Variants in ARMH3 observed in about 807,000 individuals in gnomAD.
ARMH3 encodes the protein armadillo like helical domain containing 3.
Under a neutral mutation model 99.1 loss-of-function variants are expected in ARMH3, and 60 were observed. The ratio of observed to expected loss-of-function variants is 0.61; its 90% CI spans 0.49 to 0.75. The LOEUF (loss-of-function observed/expected upper bound fraction) is 0.75, where lower values mean the gene tolerates loss of function less well. ARMH3 is among the 30% of genes least tolerant of loss of function. The pLI, the probability that ARMH3 is intolerant of heterozygous loss-of-function variation, is 0.00. For missense variants in ARMH3, 679 were observed against 843.1 expected, an observed-to-expected ratio of 0.81 and a Z score of 2.41; for synonymous variants, 285 against 292.8, an observed-to-expected ratio of 0.97 and a Z score of 0.27.
intron 10 of ARMH3, among the ~76,000 whole-genome samples, chr10:102,012,031 G>A (rs901810241): frequency 2.6e-5 from 4 of 152,216 alleles, no homozygotes; most frequent in African/African-American, 9.6e-5. Context: ...GGCTGCAAAA[G>A]TGCCCTAACA....
chr10:102,037,993 G>A (rs961298085), intron 2 of ARMH3, among the ~76,000 whole-genome samples: 1 of 151,324 alleles, frequency 6.6e-6, no homozygotes, highest in Non-Finnish European at 1.5e-5. Flanking sequence ...GTCTACAAAT[G>A]AAACGGAGGG....
intron 23 of ARMH3, among the ~76,000 whole-genome samples, chr10:101,927,961 C>T (rs1843573915): frequency 1.3e-5 from 2 of 152,312 alleles, no homozygotes; most frequent in African/African-American, 2.4e-5. Flanking sequence ...GTAACCTCAG[C>T]TACTCAGGAG....
intron 1 of ARMH3, among the ~76,000 whole-genome samples, chr10:102,053,910 C>T (rs1343590227): frequency 1.3e-5 from 2 of 151,868 alleles, no homozygotes; most frequent in Non-Finnish European, 2.9e-5. Flanking sequence ...CGCCGGCCTC[C>T]GCCTCCCAAA....
chr10:101,982,044 A>C (rs1341293314), intron 19 of ARMH3, among the ~76,000 whole-genome samples: 7 of 143,564 alleles, frequency 4.9e-5, no homozygotes, highest in South Asian at 2.1e-4. Context: ...AAAAAAAAAA[A>C]CAAAGACTGG....
chr10:102,033,240 A>C, intron 3 of ARMH3, 43 bp downstream of exon 3: 3 of 1,613,402 alleles, frequency 1.9e-6, no homozygotes, highest in Non-Finnish European at 1.7e-6. Context: ...TGAGAAGGCA[A>C]TTTTAGTTAC....
intron 24 of ARMH3, among the ~76,000 whole-genome samples, chr10:101,869,918 A>T (rs1182529137): frequency 6.6e-6 from 1 of 152,198 alleles, no homozygotes; most frequent in Admixed American, 6.5e-5. Context: ...CTGTAGTCCC[A>T]GATACTCAGG....
intron 25 of ARMH3, among the ~76,000 whole-genome samples, chr10:101,848,147 A>G (rs747169185): frequency 2.6e-5 from 4 of 152,224 alleles, no homozygotes; most frequent in Non-Finnish European, 4.4e-5. Flanking sequence ...AAGGAGGCCA[A>G]TTTCAATGGC....
chr10:101,864,094 C>A (rs1458319936), intron 24 of ARMH3, among the ~76,000 whole-genome samples: 1 of 149,836 alleles, frequency 6.7e-6, no homozygotes, highest in Non-Finnish European at 1.5e-5. Context: ...CACACACACA[C>A]ACACACACAC....
intron 23 of ARMH3, among the ~76,000 whole-genome samples, chr10:101,921,013 A>G (rs1301820282): frequency 6.6e-6 from 1 of 152,206 alleles, no homozygotes; most frequent in Non-Finnish European, 1.5e-5. Context: ...GAGTTGTTTA[A>G]TCAGTACAAT....
chr10:101,960,628 T>C (rs1241565567), intron 20 of ARMH3, among the ~76,000 whole-genome samples: 1 of 152,022 alleles, frequency 6.6e-6, no homozygotes, highest in East Asian at 1.9e-4. Flanking sequence ...CAGTGGCTCA[T>C]GCCTGTAATC....
intron 15 of ARMH3, among the ~76,000 whole-genome samples, chr10:101,995,810 A>G (rs1847028924): frequency 1.3e-5 from 2 of 152,250 alleles, no homozygotes; most frequent in African/African-American, 4.8e-5. Flanking sequence ...TCAAAAAGAA[A>G]TTAACTGGAG....
At chr10:102,006,058 G>A (rs984415825) in intron 14 of ARMH3, among the ~76,000 whole-genome samples, 4 of 152,234 alleles carry the variant, frequency 2.6e-5, no homozygotes, top group Admixed American at 2.6e-4. Flanking sequence ...CTGCTTACAT[G>A]TTTGGGTTCT....
At chr10:101,855,736 C>T (rs994484260) in intron 24 of ARMH3, among the ~76,000 whole-genome samples, 1 of 145,656 alleles carries the variant, frequency 6.9e-6, no homozygotes, top group Non-Finnish European at 1.5e-5. Context: ...ATATAAAATA[C>T]ATTATATAAA....
intron 8 of ARMH3, among the ~76,000 whole-genome samples, chr10:102,020,398 C>A (rs1033268203): frequency 6.6e-6 from 1 of 151,806 alleles, no homozygotes; most frequent in Admixed American, 6.6e-5. Context: ...CGAGCACGGC[C>A]GGGCGCGGTG....
intron 4 of ARMH3, among the ~76,000 whole-genome samples, chr10:102,032,243 C>CA (rs1286394960): frequency 5.3e-5 from 8 of 152,218 alleles, no homozygotes; most frequent in African/African-American, 1.9e-4. Context: ...ATGAAACTCT[C>CA]AAAGTCTCTT....
Position 102,007,108 on chromosome 10 carries a change from G to A in ARMH3, c.955-475C>T, listed in dbSNP as rs564938543. Among the ~76,000 whole-genome samples the A allele has an allele frequency of 9.1e-5, 12 of 131,850 alleles. No homozygotes were observed. The South Asian group carries it at 2.7e-3, about 30-fold the overall frequency. 86.5% of individuals were successfully genotyped at this position (131,850 alleles called of 152,430 possible). ...CCCAGGAGGCGGAGGTTGCAGTGAG[G>A]TGATATCACGCCACTGCACTCCAGC... On this transcript the variant is annotated intron_variant, in intron 13 of 25. Transcript: ENST00000370033.
At chr10:101,927,704 G>A (rs1843563883) in intron 23 of ARMH3, among the ~76,000 whole-genome samples, 3 of 152,224 alleles carry the variant, frequency 2.0e-5, no homozygotes, top group South Asian at 2.1e-4. Context: ...TGAGGCAGGA[G>A]GACTGCTTGA....
chr10:101,860,083 G>A (rs566544667), intron 24 of ARMH3, among the ~76,000 whole-genome samples: 41 of 152,170 alleles, frequency 2.7e-4, no homozygotes, highest in African/African-American at 7.5e-4. Flanking sequence ...GAAAAAAAAC[G>A]GGGAAAGGGA....
At chr10:101,925,041 G>A (rs1252251996) in intron 23 of ARMH3, among the ~76,000 whole-genome samples, 1 of 152,058 alleles carries the variant, frequency 6.6e-6, no homozygotes, top group East Asian at 1.9e-4. Flanking sequence ...ATAAAAAGCA[G>A]CACCACACAA....
Sources: allele counts gnomAD v4.1 joint callset (sites outside exome capture counted in the v4.1 genomes callset), GRCh38; gene constraint gnomAD v4.1.1; transcripts MANE v1.5; gene names NCBI Gene and HGNC (gene_info 2026-07-23, HGNC 2026-07-21).